ADGRB3: variants seen among roughly 807,000 people sequenced by gnomAD.
ADGRB3 encodes adhesion G protein-coupled receptor B3, also known as brain-specific angiogenesis inhibitor 3.
Under a neutral mutation model 193.4 loss-of-function variants are expected in ADGRB3, and 37 were observed. That is an observed-to-expected ratio of 0.19 (90% CI 0.15 to 0.25). ADGRB3 has a LOEUF of 0.25. Ranked by LOEUF, ADGRB3 falls within the 10% of genes least tolerant of loss-of-function variation. The pLI is 1.00. For missense variants in ADGRB3, 1,637 were observed against 1,852.9 expected (o/e 0.88, Z 2.14); for synonymous variants, 690 against 644.2 (o/e 1.07, Z -1.08).
intron 3 of ADGRB3, among the ~76,000 whole-genome samples, chr6:68,920,826 TA>T (rs1331214942): frequency 1.3e-5 from 2 of 152,090 alleles, no homozygotes; most frequent in African/African-American, 4.8e-5. Context: ...TCTAAATTAT[TA>T]AAGCACAATG....
chr6:68,884,696 CAGGT>C (rs1562070986), intron 3 of ADGRB3, among the ~76,000 whole-genome samples: 2 of 151,986 alleles, frequency 1.3e-5, no homozygotes, highest in African/African-American at 2.4e-5. Flanking sequence ...TAGAGAAAAA[CAGGT>C]AGGTGTGGGG....
At chr6:69,321,651 G>T (rs1768459677) in intron 20 of ADGRB3, among the ~76,000 whole-genome samples, 2 of 151,862 alleles carry the variant, frequency 1.3e-5, no homozygotes, top group East Asian at 1.9e-4. Context: ...GTGGATTTGG[G>T]TTATGTAAGA....
At chr6:69,341,363 C>T (rs936034384) in intron 26 of ADGRB3, among the ~76,000 whole-genome samples, 7 of 152,112 alleles carry the variant, frequency 4.6e-5, no homozygotes, top group African/African-American at 9.7e-5. Context: ...TCTCTAATGA[C>T]CAGTGATGAT....
chr6:69,094,400 T>A (rs1370045543), intron 17 of ADGRB3, among the ~76,000 whole-genome samples: 3 of 152,234 alleles, frequency 2.0e-5, no homozygotes, highest in African/African-American at 7.2e-5. Flanking sequence ...GTTGCTCCTG[T>A]TTTATTGAGA....
At chr6:68,870,261 T>A (rs567940247) in intron 3 of ADGRB3, among the ~76,000 whole-genome samples, 1 of 152,252 alleles carries the variant, frequency 6.6e-6, no homozygotes, top group South Asian at 2.1e-4. Context: ...TCTGAAAAAA[T>A]TCTTAGAACT....
chr6:68,913,699 C>T (rs1766789752), intron 3 of ADGRB3, among the ~76,000 whole-genome samples: 1 of 152,194 alleles, frequency 6.6e-6, no homozygotes, highest in Non-Finnish European at 1.5e-5. Flanking sequence ...CGGAAAATGA[C>T]TTTGACGAGT....
intron 26 of ADGRB3, among the ~76,000 whole-genome samples, chr6:69,342,985 G>T (rs1249558821): frequency 6.6e-5 from 10 of 151,690 alleles, no homozygotes. Flanking sequence ...GTCCCAATAT[G>T]AATTCAGAAG....
At chr6:69,031,055 TC>T (rs1770653244) in intron 13 of ADGRB3, among the ~76,000 whole-genome samples, 1 of 36,738 alleles carries the variant, frequency 2.7e-5, no homozygotes, top group Non-Finnish European at 7.2e-5. Flanking sequence ...TCTTCTCTTC[TC>T]TTCTCTTCTC....
chr6:69,275,161 G>A (rs1296329962), intron 20 of ADGRB3, among the ~76,000 whole-genome samples: 1 of 152,146 alleles, frequency 6.6e-6, no homozygotes, highest in Non-Finnish European at 1.5e-5. Context: ...GATGCTGAGA[G>A]CATTGTGATC....
intron 3 of ADGRB3, among the ~76,000 whole-genome samples, chr6:68,677,234 A>C (rs1471151826): frequency 6.6e-6 from 1 of 152,196 alleles, no homozygotes; most frequent in East Asian, 1.9e-4. Context: ...TTCATTCTTC[A>C]TGCTGCATAT....
At chr6:69,352,795 G>A (rs1769254953) in intron 26 of ADGRB3, among the ~76,000 whole-genome samples, 1 of 152,132 alleles carries the variant, frequency 6.6e-6, no homozygotes, top group Non-Finnish European at 1.5e-5. Context: ...TTTGTTTCCT[G>A]GCCAACAGGT....
At chr6:69,238,403 T>C (rs1284709304) in intron 19 of ADGRB3, among the ~76,000 whole-genome samples, 1 of 152,118 alleles carries the variant, frequency 6.6e-6, no homozygotes, top group Non-Finnish European at 1.5e-5. Flanking sequence ...ACATTCTTGG[T>C]GCACTTAACA....
At chr6:69,199,072 C>T (rs926208354) in intron 17 of ADGRB3, among the ~76,000 whole-genome samples, 2 of 152,066 alleles carry the variant, frequency 1.3e-5, no homozygotes, top group Non-Finnish European at 2.9e-5. Context: ...AGAAATACAC[C>T]AGATGATGAT....
At chr6:68,829,109 T>C (rs1767905683) in intron 3 of ADGRB3, among the ~76,000 whole-genome samples, 1 of 141,806 alleles carries the variant, frequency 7.1e-6, no homozygotes, top group Admixed American at 7.1e-5. Context: ...TTTTTTTTTT[T>C]TTTTTTTTGA....
intron 17 of ADGRB3, among the ~76,000 whole-genome samples, chr6:69,096,150 G>A (rs754437389): frequency 2.0e-5 from 3 of 152,082 alleles, no homozygotes; most frequent in African/African-American, 2.4e-5. Flanking sequence ...ACAAGGTCTG[G>A]AAGTCCCTTT....
At chr6:69,320,653 CTCTT>C (rs1768430039) in intron 20 of ADGRB3, among the ~76,000 whole-genome samples, 1 of 151,664 alleles carries the variant, frequency 6.6e-6, no homozygotes, top group Non-Finnish European at 1.5e-5. Flanking sequence ...TGTTGAGAAT[CTCTT>C]TCTACTGCCT....
At chr6:69,305,569 C>T (rs1171824691) in intron 20 of ADGRB3, among the ~76,000 whole-genome samples, 1 of 150,666 alleles carries the variant, frequency 6.6e-6, no homozygotes, top group Non-Finnish European at 1.5e-5. Context: ...ATTCTGGGAC[C>T]AATTAAGAGT....
chr6:68,650,824 C>G (rs867522448), intron 3 of ADGRB3, among the ~76,000 whole-genome samples: 1 of 151,594 alleles, frequency 6.6e-6, no homozygotes, highest in Admixed American at 6.6e-5. Context: ...AAGAAAGGAG[C>G]CTGAGAGGAA....
intron 28 of ADGRB3, among the ~76,000 whole-genome samples, chr6:69,358,932 T>C (rs960635619): frequency 6.6e-5 from 10 of 150,898 alleles, no homozygotes; most frequent in Non-Finnish European, 1.2e-4. Flanking sequence ...TATATATATA[T>C]ATATTTTTTT....
Sources: gnomAD v4.1 joint callset for allele counts (sites outside exome capture counted in the v4.1 genomes callset) on GRCh38, gnomAD v4.1.1 for gene constraint, MANE v1.5 for transcripts, NCBI Gene and HGNC (gene_info 2026-07-23, HGNC 2026-07-21) for gene names.